OPCML: variants seen among roughly 807,000 people sequenced by gnomAD.
OPCML encodes opioid-binding protein/cell adhesion molecule.
Under a neutral mutation model 37.8 loss-of-function variants are expected in OPCML, and 13 were observed. That is an observed-to-expected ratio of 0.34 (90% CI 0.22 to 0.55). The LOEUF (loss-of-function observed/expected upper bound fraction) is 0.55, where lower values mean the gene tolerates loss of function less well. Among genes scored for constraint, OPCML ranks in the 20% least tolerant of loss-of-function variants. The probability of loss-of-function intolerance (pLI) is 0.91; values close to 1 mark genes in which losing one functional copy is unlikely to be tolerated. For missense variants in OPCML, 341 were observed against 435.6 expected, an observed-to-expected ratio of 0.78 and a Z score of 1.93; for synonymous variants, 176 against 168.8, an observed-to-expected ratio of 1.04 and a Z score of -0.33.
intron 1 of OPCML, among the ~76,000 whole-genome samples, chr11:133,414,844 T>A (rs1452221537): frequency 6.6e-6 from 1 of 152,098 alleles, no homozygotes; most frequent in Admixed American, 6.5e-5. Flanking sequence ...GGCTGTGACA[T>A]CCTGACCTTG....
At chr11:133,369,454 T>C (rs551806746) in intron 1 of OPCML, among the ~76,000 whole-genome samples, 20 of 152,298 alleles carry the variant, frequency 1.3e-4, no homozygotes, top group African/African-American at 4.6e-4. Flanking sequence ...AGACATGCTG[T>C]AGAGAAGGAA....
intron 4 of OPCML, among the ~76,000 whole-genome samples, chr11:132,495,169 A>C (rs532769912): frequency 2.0e-5 from 3 of 152,146 alleles, no homozygotes; most frequent in Admixed American, 2.0e-4. Context: ...CTTCTGTTCC[A>C]TTTTACCCAA....
At chr11:133,413,867 T>C (rs1318391624) in intron 1 of OPCML, among the ~76,000 whole-genome samples, 2 of 152,180 alleles carry the variant, frequency 1.3e-5, no homozygotes, top group Non-Finnish European at 2.9e-5. Context: ...CCAGAGGACA[T>C]GCTGCTGGAG....
intron 7 of OPCML, among the ~76,000 whole-genome samples, chr11:132,424,138 T>C (rs548126303): frequency 0.066 from 9,818 of 148,316 alleles, 992 homozygotes; most frequent in African/African-American, 0.23. Flanking sequence ...TTTTTTTTTT[T>C]AGATGGAGTC....
intron 2 of OPCML, chr11:132,772,768 A>G (rs1946681128): frequency 6.6e-6 from 1 of 152,250 alleles, no homozygotes; most frequent in South Asian, 2.1e-4. Context: ...GTTGAAGGCC[A>G]CTGTGAGCTA....
intron 1 of OPCML, among the ~76,000 whole-genome samples, chr11:133,458,777 A>ATATATACACATAGATGCACGTGTGTGTG (rs1946782604): frequency 7.6e-6 from 1 of 131,434 alleles, no homozygotes; most frequent in African/African-American, 4.0e-5. Flanking sequence ...ACGTGTGTGT[A>ATATATACACATAGATGCACGTGTGTGTG]TATACACATA....
intron 3 of OPCML, among the ~76,000 whole-genome samples, chr11:132,606,519 G>C (rs73049183): frequency 0.11 from 16,764 of 152,124 alleles, 1,562 homozygotes; most frequent in African/African-American, 0.22. Flanking sequence ...CAGTCAGAGG[G>C]CTTTCCAGGA....
intron 3 of OPCML, among the ~76,000 whole-genome samples, chr11:132,573,778 A>AT (rs1166367113): frequency 1.3e-5 from 2 of 151,936 alleles, no homozygotes; most frequent in Non-Finnish European, 2.9e-5. Flanking sequence ...CCTCGTTTTA[A>AT]TTTTTTAGAA....
chr11:133,409,030 G>A (rs1945588144), intron 1 of OPCML, among the ~76,000 whole-genome samples: 1 of 152,182 alleles, frequency 6.6e-6, no homozygotes, highest in African/African-American at 2.4e-5. Context: ...ACACCTGGAA[G>A]ACAGAAGCAG....
intron 1 of OPCML, among the ~76,000 whole-genome samples, chr11:133,274,855 A>C (rs1212682576): frequency 1.3e-5 from 2 of 152,228 alleles, no homozygotes; most frequent in Non-Finnish European, 2.9e-5. Context: ...AAAGAGACAG[A>C]GAGATAAACG....
intron 2 of OPCML, among the ~76,000 whole-genome samples, chr11:132,738,529 G>A (rs192319582): frequency 3.3e-4 from 51 of 152,276 alleles, no homozygotes; most frequent in African/African-American, 1.2e-3. Flanking sequence ...TATAAAACTT[G>A]TAACATGAAA....
intron 3 of OPCML, among the ~76,000 whole-genome samples, chr11:132,533,073 A>G (rs891119153): frequency 6.6e-6 from 1 of 152,212 alleles, no homozygotes; most frequent in Non-Finnish European, 1.5e-5. Context: ...AGAAATGAAT[A>G]ATAACCTTAT....
chr11:132,712,344 C>T lies in OPCML; in HGVS notation c.147-55025G>A, dbSNP rs7930057. Among the ~76,000 whole-genome samples the T allele has an allele frequency of 3.7e-3, 566 of 151,770 alleles. 1 individual carries two copies. The highest frequency in any genetic ancestry group is 0.013 in the African/African-American group (545 of 41,336). On this transcript the variant is annotated intron_variant, in intron 2 of 7. Transcript: ENST00000524381. Reference sequence around the variant, plus strand: ...TCCCCCACAAGTGGTCTGATGCGAGCTTGCCCGTCTCTGTGGAGAGAATGA... The same window carrying T: ...TCCCCCACAAGTGGTCTGATGCGAGTTTGCCCGTCTCTGTGGAGAGAATGA...
chr11:132,600,277 G>A (rs902449564), intron 3 of OPCML, among the ~76,000 whole-genome samples: 8 of 152,208 alleles, frequency 5.3e-5, no homozygotes, highest in Non-Finnish European at 1.2e-4. Flanking sequence ...CCACTCACTC[G>A]GGTGGATATC....
At chr11:132,923,755 A>ATTTTTTTTTTTTT (rs71038509) in intron 2 of OPCML, among the ~76,000 whole-genome samples, 1 of 92,066 alleles carries the variant, frequency 1.1e-5, no homozygotes, top group Non-Finnish European at 2.0e-5. Context: ...AGTTACTTGA[A>ATTTTTTTTTTTTT]TTTTTTTTTT....
chr11:132,570,547 G>A (rs1452237232), intron 3 of OPCML, among the ~76,000 whole-genome samples: 1 of 151,414 alleles, frequency 6.6e-6, no homozygotes, highest in Admixed American at 6.6e-5. Flanking sequence ...TTAAAATAAT[G>A]GGAATAAAAT....
chr11:132,885,881 A>G (rs965477423), intron 2 of OPCML, among the ~76,000 whole-genome samples: 1 of 152,172 alleles, frequency 6.6e-6, no homozygotes, highest in Non-Finnish European at 1.5e-5. Context: ...TAACCACTTC[A>G]TCGTTTCTCC....
intron 2 of OPCML, among the ~76,000 whole-genome samples, chr11:132,785,467 A>G (rs1026195553): frequency 6.6e-6 from 1 of 152,246 alleles, no homozygotes; most frequent in Non-Finnish European, 1.5e-5. Context: ...AAGAAGATAA[A>G]TGTTGCAGAA....
At chr11:132,430,147 A>T (rs867464239) in intron 7 of OPCML, among the ~76,000 whole-genome samples, 2 of 152,182 alleles carry the variant, frequency 1.3e-5, no homozygotes, top group Non-Finnish European at 2.9e-5. Flanking sequence ...GGAGGGAAGA[A>T]AAGGCACGGG....
Sources: gnomAD v4.1 joint callset for allele counts (sites outside exome capture counted in the v4.1 genomes callset) on GRCh38, gnomAD v4.1.1 for gene constraint, MANE v1.5 for transcripts, NCBI Gene and HGNC (gene_info 2026-07-23, HGNC 2026-07-21) for gene names.